The following PPFIA1 variants were observed in gnomAD, a reference collection of about 807,000 sequenced individuals.
The protein encoded by PPFIA1 is liprin-alpha-1.
Under a neutral mutation model 149.9 loss-of-function variants are expected in PPFIA1, and 25 were observed. The ratio of observed to expected loss-of-function variants is 0.17; its 90% CI spans 0.12 to 0.23. The LOEUF is 0.23. Ranked by LOEUF, PPFIA1 falls within the 10% of genes least tolerant of loss-of-function variation. The pLI is 1.00. For missense variants in PPFIA1, 1,362 were observed against 1,506.5 expected (o/e 0.90, Z 1.59); for synonymous variants, 549 against 552.8 (o/e 0.99, Z 0.10).
chr11:70,356,268 T>A lies in PPFIA1; in HGVS notation c.2582+14T>A, dbSNP rs778403717. The A allele has an allele frequency of 6.3e-7, 1 of 1,596,744 alleles. No homozygotes were observed. The highest frequency in any genetic ancestry group is 1.1e-5 in the South Asian group (1 of 90,426). On this transcript the variant is annotated intron_variant, in intron 19 of 27. Transcript: ENST00000253925. ...ACTTCAAAAAAAGTAAGCTTTGTGT[T>A]ATTTCTTCATCTCATTGAATGGTTT...
intron 2 of PPFIA1, among the ~76,000 whole-genome samples, chr11:70,317,824 C>T (rs1015266841): frequency 6.6e-6 from 1 of 152,200 alleles, no homozygotes; most frequent in African/African-American, 2.4e-5. Context: ...TCTTCCTCCA[C>T]TTCCAGGTCC....
intron 2 of PPFIA1, among the ~76,000 whole-genome samples, chr11:70,309,707 GACCCTTGAAAAT>G (rs2053131203): frequency 6.6e-6 from 1 of 152,002 alleles, no homozygotes; most frequent in Admixed American, 6.6e-5. Flanking sequence ...CAACATGTCC[GACCCTTGAAAAT>G]ACTATGCCAA....
chr11:70,273,769 G>A (rs930183145), intron 2 of PPFIA1, among the ~76,000 whole-genome samples: 6 of 152,100 alleles, frequency 3.9e-5, no homozygotes, highest in Non-Finnish European at 8.8e-5. Context: ...GTTTATTTAT[G>A]TTGAATTTTA....
intron 2 of PPFIA1, among the ~76,000 whole-genome samples, chr11:70,294,901 CAGA>C (rs1240046944): frequency 6.6e-6 from 1 of 151,662 alleles, no homozygotes. Context: ...GATCCCAAGG[CAGA>C]AGAATTTTTC....
intron 2 of PPFIA1, among the ~76,000 whole-genome samples, chr11:70,310,939 A>C (rs1474657996): frequency 2.0e-5 from 3 of 152,094 alleles, no homozygotes; most frequent in African/African-American, 7.2e-5. Flanking sequence ...AGGAGCGCTC[A>C]AGGTTGTTCA....
chr11:70,273,148 C>T lies in PPFIA1; in HGVS notation c.264+712C>T, dbSNP rs376054404. ...CAAAAATTAGCAGAGCGTGGTAGCG[C>T]GCATCTGTAGTCCCAGCTACTCAGA... On this transcript the variant is annotated intron_variant, in intron 2 of 27. Transcript: ENST00000253925. Among the ~76,000 whole-genome samples the T allele has an allele frequency of 3.3e-4, 50 of 152,180 alleles. 1 individual carries two copies. In the South Asian group the frequency reaches 0.01, roughly 32 times the overall value.
intron 2 of PPFIA1, among the ~76,000 whole-genome samples, chr11:70,309,343 T>G (rs527711409): frequency 3.6e-4 from 55 of 152,280 alleles, no homozygotes; most frequent in African/African-American, 9.9e-4. Flanking sequence ...CTAATTTGTA[T>G]TTTTAGTAGA....
chr11:70,270,885 C>T lies in PPFIA1; in HGVS notation c.-30C>T, dbSNP rs538072832. 41 of 151,188 alleles carry T rather than the reference C, an allele frequency of 2.7e-4. 1 individual carries two copies. Among genetic ancestry groups the T allele is most frequent in the African/African-American group, 9.4e-4 (39 of 41,418 alleles). 9.4% of individuals were successfully genotyped at this position (151,188 alleles called of 1,614,324 possible). On this transcript the variant is annotated 5_prime_UTR_variant, in exon 1 of 28. Coordinates refer to ENST00000253925, the MANE Select transcript of PPFIA1 (RefSeq NM_003626.5). ...CAGCCGCCCGCGAGCCGCCGCGGAG[C>T]CTCCTCGCCCGCTCCCGCCGGCGAG...
intron 15 of PPFIA1, among the ~76,000 whole-genome samples, chr11:70,347,458 G>A (rs1452490870): frequency 6.6e-6 from 1 of 152,202 alleles, no homozygotes; most frequent in East Asian, 1.9e-4. Flanking sequence ...CACCACTTTG[G>A]GAGGAGGCTG....
intron 19 of PPFIA1, among the ~76,000 whole-genome samples, chr11:70,357,538 G>T (rs527683210): frequency 6.6e-6 from 1 of 151,880 alleles, no homozygotes; most frequent in Non-Finnish European, 1.5e-5. Flanking sequence ...TAGAAACCAC[G>T]TAACAGCAAA....
At chr11:70,315,299 A>G (rs1490120000) in intron 2 of PPFIA1, among the ~76,000 whole-genome samples, 1 of 152,182 alleles carries the variant, frequency 6.6e-6, no homozygotes, top group Non-Finnish European at 1.5e-5. Flanking sequence ...TTTTTATAAA[A>G]TTTATAAAAA....
intron 2 of PPFIA1, among the ~76,000 whole-genome samples, chr11:70,286,567 C>T (rs2051141086): frequency 6.6e-6 from 1 of 151,692 alleles, no homozygotes; most frequent in South Asian, 2.1e-4. Flanking sequence ...CTTTTCTGCG[C>T]TAACCTTATC....
chr11:70,379,629 A>G (rs1243728557), intron 26 of PPFIA1, among the ~76,000 whole-genome samples: 5 of 151,824 alleles, frequency 3.3e-5, no homozygotes, highest in Non-Finnish European at 7.4e-5. Flanking sequence ...AAAAAATAAT[A>G]ATTGAAAACT....
chr11:70,297,145 C>T (rs1480647453), intron 2 of PPFIA1, among the ~76,000 whole-genome samples: 2 of 152,104 alleles, frequency 1.3e-5, no homozygotes, highest in Admixed American at 6.5e-5. Flanking sequence ...CGGTGGCTCA[C>T]GCTTCAGGCT....
At chr11:70,311,414 G>T (rs1258640155) in intron 2 of PPFIA1, among the ~76,000 whole-genome samples, 35 of 152,128 alleles carry the variant, frequency 2.3e-4, no homozygotes, top group Non-Finnish European at 1.5e-5. Context: ...TCCACTTCAT[G>T]CGTCGGAATG....
At chr11:70,346,638 C>T (rs1243024511) in intron 15 of PPFIA1, among the ~76,000 whole-genome samples, 1 of 152,082 alleles carries the variant, frequency 6.6e-6, no homozygotes, top group Non-Finnish European at 1.5e-5. Context: ...TCAGAAAGAT[C>T]GTCTTTCCTC....
Position 70,362,415 on chromosome 11 carries a change from G to A in PPFIA1, c.2792G>A (p.Arg931Lys), listed in dbSNP as rs141190011. The A allele has an allele frequency of 3.7e-6, 6 of 1,614,196 alleles. 1 individual carries two copies. Among genetic ancestry groups the A allele is most frequent in the South Asian group, 2.2e-5 (2 of 91,088 alleles). The change falls in exon 21 of 28, where the codon AGG becomes AAG. Residue 931 changes from arginine (R) to lysine (K), a missense_variant. Coordinates refer to ENST00000253925, the MANE Select transcript of PPFIA1 (RefSeq NM_003626.5). ...REIGISNPLH[R>K]LKLRLAIQEI... Reference sequence around the variant, plus strand: ...ATTGGCATCAGCAACCCCCTGCACAGGCTGAAGCTGAGGCTGGCCATCCAG... The same window carrying A: ...ATTGGCATCAGCAACCCCCTGCACAAGCTGAAGCTGAGGCTGGCCATCCAG...
Position 70,378,094 on chromosome 11 carries a change from G to C in PPFIA1, c.3449G>C (p.Arg1150Pro). Residue 1150 changes from arginine to proline, a missense_variant, in exon 26 of 28, where the codon CGT becomes CCT. By Grantham distance (103) the Arg-to-Pro change is moderately radical. Transcript: ENST00000253925. ...AAAAAGTTTAGACCAAAGGACATTC[G>C]TGGCTTAGCTGCTGGGTCAGCAGAG... ...WRKKFRPKDI[R>P]GLAAGSAETL... 6.2e-7 allele frequency: 1 copy of C among 1,614,138 alleles called. No homozygotes were observed. Among genetic ancestry groups the C allele is most frequent in the Non-Finnish European group, 8.5e-7 (1 of 1,180,026 alleles).
chr11:70,309,885 G>T (rs1297730233), intron 2 of PPFIA1, among the ~76,000 whole-genome samples: 2 of 152,018 alleles, frequency 1.3e-5, no homozygotes, highest in Admixed American at 6.6e-5. Context: ...TAGGTATGGG[G>T]TTTTTTTGGG....
Sources: allele counts gnomAD v4.1 joint callset (sites outside exome capture counted in the v4.1 genomes callset), GRCh38; gene constraint gnomAD v4.1.1; transcripts MANE v1.5; gene names NCBI Gene and HGNC (gene_info 2026-07-23, HGNC 2026-07-21).